Variants in BABAM2 observed in about 807,000 individuals in gnomAD.
BABAM2 encodes BRISC and BRCA1-A complex member 2.
A neutral mutation model predicts 54.7 loss-of-function variants in BABAM2; 31 were observed. The observed-to-expected ratio is 0.57, with a 90% CI of 0.43 to 0.77. The LOEUF is 0.77. BABAM2 is among the 30% of genes least tolerant of loss of function. BABAM2 has a pLI of 0.00. For synonymous variants in BABAM2, 167 were observed against 162.9 expected (o/e 1.03, Z -0.19); for missense variants, 364 against 455.8 (o/e 0.80, Z 1.83).
At chr2:27,948,923 T>TTA (rs1275281977) in intron 3 of BABAM2, among the ~76,000 whole-genome samples, 1 of 152,194 alleles carries the variant, frequency 6.6e-6, no homozygotes, top group African/African-American at 2.4e-5. Context: ...AAGTCCCCTT[T>TTA]TATACCTAGT....
At chr2:28,191,343 A>G (rs1182843054) in intron 7 of BABAM2, among the ~76,000 whole-genome samples, 1 of 152,254 alleles carries the variant, frequency 6.6e-6, no homozygotes, top group African/African-American at 2.4e-5. Flanking sequence ...AGTTTCTTAC[A>G]AAGTTAAGCA....
chr2:28,131,720 G>C lies in BABAM2; in HGVS notation c.680+2340G>C, dbSNP rs541207246. 9.9e-5 allele frequency among the ~76,000 whole-genome samples: 15 copies of C among 152,264 alleles called. No homozygotes were observed. In the South Asian group the frequency reaches 3.1e-3, roughly 32 times the overall value. The stretch of plus-strand genomic sequence containing the variant: ...TTGATACAGTTCATAGGAGAAGAAC[G>C]AGTGAGTGTTTAGCAGGGATAAGTT... On this transcript the variant is annotated intron_variant, in intron 7 of 11. Transcript: ENST00000379624.
rs772710477 is a variant in BABAM2, at chr2:27,968,204, G to A, written c.206-19789G>A. ...ATGTGGTCTCATGGGCTGGGCCCAG[G>A]GTCCCTGTGCTGTGTGCAGCCTAGG... is the stretch of plus-strand genomic sequence containing the variant. On this transcript the variant is annotated intron_variant, in intron 3 of 11. Transcript: ENST00000379624. Among the ~76,000 whole-genome samples the A allele has an allele frequency of 6.6e-5, 10 of 152,198 alleles. 1 individual carries two copies. Among genetic ancestry groups the A allele is most frequent in the Non-Finnish European group, 1.5e-4 (10 of 68,040 alleles).
intron 6 of BABAM2, among the ~76,000 whole-genome samples, chr2:28,083,447 A>G (rs1414929725): frequency 6.6e-6 from 1 of 152,178 alleles, no homozygotes; most frequent in Non-Finnish European, 1.5e-5. Context: ...GGCCCACTAC[A>G]AATTTGTGAT....
intron 7 of BABAM2, among the ~76,000 whole-genome samples, chr2:28,213,922 C>A (rs1432736282): frequency 1.4e-5 from 2 of 146,154 alleles, no homozygotes; most frequent in Non-Finnish European, 3.0e-5. Context: ...GGAGAAGATC[C>A]ATTACTAGAA....
intron 10 of BABAM2, among the ~76,000 whole-genome samples, chr2:28,293,845 C>T (rs961213343): frequency 6.6e-6 from 1 of 151,816 alleles, no homozygotes; most frequent in Non-Finnish European, 1.5e-5. Flanking sequence ...TGGCAAGACC[C>T]TCATCTCTAA....
At chr2:28,039,988 A>T (rs1281061054) in intron 5 of BABAM2, among the ~76,000 whole-genome samples, 1 of 152,114 alleles carries the variant, frequency 6.6e-6, no homozygotes, top group Non-Finnish European at 1.5e-5. Context: ...TATTCTGTTC[A>T]CTTGGCGGCA....
intron 5 of BABAM2, among the ~76,000 whole-genome samples, chr2:28,026,926 A>ATT (rs1558667814): frequency 2.6e-5 from 2 of 76,514 alleles, no homozygotes; most frequent in Admixed American, 2.3e-4. Context: ...TAATATATAT[A>ATT]AATATATATA....
intron 7 of BABAM2, among the ~76,000 whole-genome samples, chr2:28,158,925 C>G (rs1672799044): frequency 6.6e-6 from 1 of 152,206 alleles, no homozygotes; most frequent in African/African-American, 2.4e-5. Context: ...GTGGTTTAAG[C>G]TGTCTGGCGG....
At chr2:28,230,071 A>G (rs187210055) in intron 7 of BABAM2, among the ~76,000 whole-genome samples, 1 of 152,218 alleles carries the variant, frequency 6.6e-6, no homozygotes, top group Non-Finnish European at 1.5e-5. Context: ...AGTGGAATAC[A>G]GTACTCTCAC....
chr2:28,072,244 C>T (rs1348172026), intron 6 of BABAM2, among the ~76,000 whole-genome samples: 4 of 151,944 alleles, frequency 2.6e-5, no homozygotes. Context: ...GCCATCTTGG[C>T]TTACTGCAAC....
At chr2:28,310,110 T>A in intron 11 of BABAM2, 1 of 1,614,212 alleles carries the variant, frequency 6.2e-7, no homozygotes, top group Non-Finnish European at 8.5e-7. Context: ...TGGGGAGGAA[T>A]CCAGCTCTGC....
At chr2:28,005,134 T>C (rs181616855) in intron 4 of BABAM2, among the ~76,000 whole-genome samples, 1 of 152,320 alleles carries the variant, frequency 6.6e-6, no homozygotes, top group East Asian at 1.9e-4. Context: ...TTTGAGTTTA[T>C]ATATTTTTAT....
At chr2:28,128,183 A>G (rs747790608) in intron 6 of BABAM2, among the ~76,000 whole-genome samples, 3 of 152,132 alleles carry the variant, frequency 2.0e-5, no homozygotes, top group Non-Finnish European at 4.4e-5. Flanking sequence ...GAACCTTCCT[A>G]AGGACCTATG....
intron 7 of BABAM2, among the ~76,000 whole-genome samples, chr2:28,200,758 T>TTTTGTTTGTTTGTTTG (rs61127965): frequency 3.3e-5 from 5 of 151,064 alleles, no homozygotes; most frequent in African/African-American, 1.2e-4. Context: ...CTATGGGGTT[T>TTTTGTTTGTTTGTTTG]TTTGTTTGTT....
chr2:28,077,701 C>T (rs1278528306), intron 6 of BABAM2, among the ~76,000 whole-genome samples: 1 of 152,066 alleles, frequency 6.6e-6, no homozygotes, highest in Non-Finnish European at 1.5e-5. Flanking sequence ...CCTAACCTCC[C>T]TCTCACTCCC....
intron 10 of BABAM2, among the ~76,000 whole-genome samples, chr2:28,251,016 G>A (rs1426734074): frequency 1.3e-5 from 2 of 152,212 alleles, no homozygotes; most frequent in African/African-American, 4.8e-5. Flanking sequence ...AGAGCTGTAG[G>A]ATTGGGGCTG....
rs544699450 is a variant in BABAM2, at chr2:28,111,069, A to G, written c.571-18202A>G. ...CTGCAACCTCCGCCTCCTGGGTTCA[A>G]GCAGTTCTCCTGCCTCAGCCTCCCA... is the stretch of plus-strand genomic sequence containing the variant. On this transcript the variant is annotated intron_variant, in intron 6 of 11. Coordinates refer to ENST00000379624, the MANE Select transcript of BABAM2 (RefSeq NM_199191.3). Among the ~76,000 whole-genome samples, 46 of 151,474 alleles carry G rather than the reference A, an allele frequency of 3.0e-4. No individual in the cohort carries two copies. The South Asian group carries it at 9.0e-3, about 30-fold the overall frequency.
chr2:28,113,010 G>A (rs1230772581), intron 6 of BABAM2, among the ~76,000 whole-genome samples: 2 of 152,130 alleles, frequency 1.3e-5, no homozygotes, highest in Non-Finnish European at 2.9e-5. Context: ...CTTTTGAAAA[G>A]TGTCTGTTCA....
Sources: allele counts gnomAD v4.1 joint callset (sites outside exome capture counted in the v4.1 genomes callset), GRCh38; gene constraint gnomAD v4.1.1; transcripts MANE v1.5; gene names NCBI Gene and HGNC (gene_info 2026-07-23, HGNC 2026-07-21).